EHD4: variants seen among roughly 807,000 people sequenced by gnomAD.
EHD4 encodes the protein EH domain containing 4, also known as EH domain-containing protein 4.
A neutral mutation model predicts 51.0 loss-of-function variants in EHD4; 37 were observed. The observed-to-expected ratio is 0.73, with a 90% CI of 0.56 to 0.95. The LOEUF is 0.95. Among genes scored for constraint, EHD4 ranks in the 40% least tolerant of loss-of-function variants. The probability of loss-of-function intolerance (pLI) is 0.00; values close to 1 mark genes in which losing one functional copy is unlikely to be tolerated. For synonymous variants in EHD4, 297 were observed against 317.3 expected (o/e 0.94, Z 0.68); for missense variants, 632 against 733.1 (o/e 0.86, Z 1.59).
rs150029165 is a variant in EHD4, at chr15:41,906,907, G to C, written c.1089+2792C>G. 1.6e-4 allele frequency among the ~76,000 whole-genome samples: 24 copies of C among 152,306 alleles called. No individual in the cohort carries two copies. The East Asian group carries it at 4.4e-3, about 28-fold the overall frequency. ...GTACTGGGCATAGACCTGAGTCCAG[G>C]TGATTCTCAGCAAAGGCTTGGCCCT... On this transcript the variant is annotated intron_variant, in intron 5 of 5. Coordinates refer to ENST00000220325, the MANE Select transcript of EHD4 (RefSeq NM_139265.4).
At chr15:41,932,940 C>G (rs2067708262) in intron 3 of EHD4, among the ~76,000 whole-genome samples, 2 of 152,212 alleles carry the variant, frequency 1.3e-5, no homozygotes. Context: ...CACCCCAGTT[C>G]TATAAAATGA....
At chr15:41,920,916 G>T (rs2067620587) in intron 3 of EHD4, among the ~76,000 whole-genome samples, 1 of 152,216 alleles carries the variant, frequency 6.6e-6, no homozygotes, top group African/African-American at 2.4e-5. Flanking sequence ...AACATCGATT[G>T]TGAGACCCTG....
At chr15:41,946,053 G>A (rs557453025) in intron 2 of EHD4, among the ~76,000 whole-genome samples, 68 of 152,356 alleles carry the variant, frequency 4.5e-4, no homozygotes, top group Non-Finnish European at 8.1e-4. Flanking sequence ...CTGACACCCA[G>A]TAAGGGGGCC....
rs760777718 is a variant in EHD4 at position 41,909,878 on chromosome 15, A to G, written c.925-15T>C. The G allele has an allele frequency of 6.2e-7, 1 of 1,613,988 alleles. No homozygotes were observed. The highest frequency in any genetic ancestry group is 8.5e-7 in the Non-Finnish European group (1 of 1,179,908). ...TAGGCATGCACCTGGAGGGGTATAG[A>G]TCAGGCAGGGAAGTGTCATTTAGAA... On this transcript the variant is annotated splice_polypyrimidine_tract_variant and intron_variant, in intron 4 of 5. Coordinates refer to ENST00000220325, the MANE Select transcript of EHD4 (RefSeq NM_139265.4).
chr15:41,933,752 C>T (rs760545009), intron 3 of EHD4, among the ~76,000 whole-genome samples: 12 of 152,180 alleles, frequency 7.9e-5, no homozygotes, highest in Admixed American at 2.0e-4. Flanking sequence ...GGTTATTAAA[C>T]GTTTCAAAGT....
chr15:41,940,305 A>T (rs1311335712), intron 3 of EHD4, among the ~76,000 whole-genome samples: 1 of 152,172 alleles, frequency 6.6e-6, no homozygotes, highest in Non-Finnish European at 1.5e-5. Flanking sequence ...TACCCAGTCT[A>T]TTATCCCATG....
At chr15:41,917,445 C>A (rs1191508238) in intron 4 of EHD4, among the ~76,000 whole-genome samples, 3 of 152,178 alleles carry the variant, frequency 2.0e-5, no homozygotes, top group African/African-American at 4.8e-5. Context: ...TGACTGAATA[C>A]AGCAGCATCT....
intron 3 of EHD4, among the ~76,000 whole-genome samples, chr15:41,930,729 C>G (rs1465251296): frequency 1.3e-5 from 2 of 152,152 alleles, no homozygotes; most frequent in East Asian, 3.9e-4. Flanking sequence ...GCTCCTCAAG[C>G]CAAACTATTA....
intron 3 of EHD4, among the ~76,000 whole-genome samples, chr15:41,931,547 T>C (rs1021244207): frequency 1.3e-5 from 2 of 152,070 alleles, no homozygotes. Flanking sequence ...TAAAGTAAAA[T>C]TAAATTAAAA....
intron 1 of EHD4, among the ~76,000 whole-genome samples, chr15:41,960,766 T>C (rs898946944): frequency 4.6e-5 from 7 of 150,732 alleles, no homozygotes; most frequent in African/African-American, 1.5e-4. Flanking sequence ...CTCTGCCTCC[T>C]GGGTTCAAGT....
chr15:41,958,317 T>C (rs59114612), intron 1 of EHD4, among the ~76,000 whole-genome samples: 14,601 of 151,922 alleles, frequency 0.096, 845 homozygotes, highest in South Asian at 0.26. Flanking sequence ...GTATGGACAT[T>C]TGGATTCCAA....
intron 2 of EHD4, among the ~76,000 whole-genome samples, chr15:41,948,149 G>T (rs1441132984): frequency 2.6e-5 from 4 of 152,180 alleles, no homozygotes; most frequent in Non-Finnish European, 4.4e-5. Flanking sequence ...AGCTACTCGG[G>T]AGGCTGAGGC....
At chr15:41,905,488 G>A (rs192074027) in intron 5 of EHD4, among the ~76,000 whole-genome samples, 1 of 152,292 alleles carries the variant, frequency 6.6e-6, no homozygotes, top group African/African-American at 2.4e-5. Flanking sequence ...TAGATGCTGG[G>A]GATATGGCAG....
chr15:41,958,090 T>A (rs1318031722), intron 1 of EHD4, among the ~76,000 whole-genome samples: 1 of 149,544 alleles, frequency 6.7e-6, no homozygotes, highest in Non-Finnish European at 1.5e-5. Flanking sequence ...GACTCTAGTA[T>A]TATCTGCAAT....
intron 3 of EHD4, chr15:41,942,626 A>G (rs17687976): frequency 0.54 from 86,511 of 160,042 alleles, 24,549 homozygotes; most frequent in African/African-American, 0.72. Flanking sequence ...GGAGAAACTT[A>G]TGCTTCGGCA....
At chr15:41,927,061 C>T (rs1218134093) in intron 3 of EHD4, among the ~76,000 whole-genome samples, 1 of 152,172 alleles carries the variant, frequency 6.6e-6, no homozygotes, top group Non-Finnish European at 1.5e-5. Context: ...ATCAGGTTCC[C>T]GGGGATAGAG....
At chr15:41,954,100 C>T (rs946013518) in intron 1 of EHD4, among the ~76,000 whole-genome samples, 160 bp from the exon 2 acceptor site, 9 of 152,184 alleles carry the variant, frequency 5.9e-5, no homozygotes, top group African/African-American at 4.8e-5. Context: ...TCTGTTGATG[C>T]AACAGACGCT....
chr15:41,949,051 T>TATATATATATATAC lies in EHD4; in HGVS notation c.413+4712_413+4713insGTATATATATATAT, dbSNP rs1491135423. ...ATATATATATATATATATATATATA[T>TATATATATATATAC]ACACACATACACACACACATACATA... On this transcript the variant is annotated intron_variant, in intron 2 of 5. Transcript: ENST00000220325. 1.4e-3 allele frequency among the ~76,000 whole-genome samples: 150 copies of TATATATATATATAC among 109,356 alleles called. 1 individual carries two copies. The highest frequency in any genetic ancestry group is 2.9e-3 in the South Asian group (8 of 2,716). The allele number at this position is 109,356 out of a possible 152,430, so 71.7% of individuals were successfully genotyped here.
chr15:41,903,449 T>TAC (rs1214956880), intron 5 of EHD4, among the ~76,000 whole-genome samples: 5 of 102,320 alleles, frequency 4.9e-5, no homozygotes, highest in South Asian at 6.6e-4. Flanking sequence ...GCCATTAACA[T>TAC]ACATACACAC....
Sources: allele counts gnomAD v4.1 joint callset (sites outside exome capture counted in the v4.1 genomes callset), GRCh38; gene constraint gnomAD v4.1.1; transcripts MANE v1.5; gene names NCBI Gene and HGNC (gene_info 2026-07-23, HGNC 2026-07-21).